Variants in OPN5 observed in about 807,000 individuals in gnomAD.
The protein encoded by OPN5 is opsin-5.
A neutral mutation model predicts 41.7 loss-of-function variants in OPN5; 18 were observed. The ratio of observed to expected loss-of-function variants is 0.43; its 90% CI spans 0.30 to 0.64. OPN5 has a LOEUF of 0.64. OPN5 is among the 30% of genes least tolerant of loss of function. The pLI is 0.13. For synonymous variants in OPN5, 178 were observed against 164.3 expected (o/e 1.08, Z -0.64); for missense variants, 318 against 434.5 (o/e 0.73, Z 2.38).
intron 6 of OPN5, among the ~76,000 whole-genome samples, chr6:47,815,876 C>T (rs1235384588): frequency 6.6e-6 from 1 of 152,092 alleles, no homozygotes; most frequent in African/African-American, 2.4e-5. Context: ...GGGATATATT[C>T]TAAAAGTACT....
At chr6:47,821,388 A>G (rs1241509904) in intron 6 of OPN5, among the ~76,000 whole-genome samples, 1 of 152,204 alleles carries the variant, frequency 6.6e-6, no homozygotes, top group Non-Finnish European at 1.5e-5. Context: ...GCAATCCCCG[A>G]TGGAAGTTGG....
intron 5 of OPN5, among the ~76,000 whole-genome samples, chr6:47,809,576 T>C (rs1774114050): frequency 6.6e-6 from 1 of 152,206 alleles, no homozygotes; most frequent in Non-Finnish European, 1.5e-5. Flanking sequence ...TAGCTCTATA[T>C]CTTTGAACAA....
intron 2 of OPN5, among the ~76,000 whole-genome samples, chr6:47,787,528 T>C (rs868649986): frequency 4.6e-5 from 7 of 152,204 alleles, no homozygotes; most frequent in African/African-American, 2.4e-5. Flanking sequence ...TAGAGTAGGG[T>C]AATTTGTTTG....
intron 6 of OPN5, among the ~76,000 whole-genome samples, chr6:47,816,039 AT>A (rs770415348): frequency 2.0e-5 from 3 of 152,116 alleles, no homozygotes; most frequent in Non-Finnish European, 4.4e-5. Flanking sequence ...GAGAGAAAAA[AT>A]TCTTTCAGGT....
At chr6:47,807,667 G>T (rs75558934) in intron 4 of OPN5, among the ~76,000 whole-genome samples, 20,947 of 152,004 alleles carry the variant, frequency 0.14, 1,522 homozygotes, top group Middle Eastern at 0.16. Context: ...ACAAAAATTT[G>T]AGTTAAAAGA....
At position 47,823,997 on chromosome 6, in the gene OPN5, G is replaced by A. The variant is rs114499136; in HGVS notation, c.*6G>A. On this transcript the variant is annotated 3_prime_UTR_variant, in exon 7 of 7. Coordinates refer to ENST00000371211, the Ensembl canonical transcript of OPN5. Reference sequence around the variant, plus strand: ...CTTCTCTACAGTGGGAATAACAAATGTTCTGGTTGTGAAGAGTGCATCTGA... The same window carrying A: ...CTTCTCTACAGTGGGAATAACAAATATTCTGGTTGTGAAGAGTGCATCTGA... 566 of 1,549,870 alleles carry A rather than the reference G, an allele frequency of 3.7e-4. 2 individuals are homozygous for A. In the African/African-American group the frequency reaches 7.0e-3, roughly 19 times the overall value.
downstream of OPN5, chr6:47,826,092 T>C (rs1037345504): frequency 1.3e-5 from 2 of 152,112 alleles, no homozygotes; most frequent in African/African-American, 2.4e-5. Context: ...AAAATTTTAA[T>C]GGAATTTTTT....
chr6:47,786,570 G>A, exon 2 of OPN5: 1 of 1,611,170 alleles, frequency 6.2e-7, no homozygotes, highest in South Asian at 1.1e-5. Context: ...CTAGACGAAA[G>A]AAGAAGCTGA....
intron 4 of OPN5, among the ~76,000 whole-genome samples, chr6:47,802,077 G>C (rs1773799050): frequency 6.6e-6 from 1 of 152,206 alleles, no homozygotes; most frequent in Admixed American, 6.5e-5. Flanking sequence ...GCCCTGCTTA[G>C]AGTGAGAGGA....
intron 4 of OPN5, 22 bp downstream of exon 4, chr6:47,795,585 A>G (rs1773527706): frequency 6.4e-7 from 1 of 1,555,964 alleles, no homozygotes; most frequent in South Asian, 1.1e-5. Context: ...AATATTTTAC[A>G]CATGTGTTTT....
chr6:47,810,232 A>G (rs1425623654), intron 5 of OPN5, among the ~76,000 whole-genome samples: 1 of 152,206 alleles, frequency 6.6e-6, no homozygotes, highest in Admixed American at 6.5e-5. Flanking sequence ...GGTAGAGCTG[A>G]AGCAGTGAGG....
intron 5 of OPN5, among the ~76,000 whole-genome samples, chr6:47,809,529 A>G (rs1188855955): frequency 2.6e-5 from 4 of 152,228 alleles, no homozygotes; most frequent in Non-Finnish European, 5.9e-5. Flanking sequence ...ATAGAAGACC[A>G]GTATTTAATG....
chr6:47,823,905 C>A, intron 6 of OPN5, 78 bp from the exon 7 acceptor site: 1 of 1,003,166 alleles, frequency 1.0e-6, no homozygotes, highest in East Asian at 2.6e-5. Flanking sequence ...TATGTTTAGG[C>A]TCTGAATTTA....
chr6:47,813,262 G>A (rs748827765), intron 6 of OPN5, among the ~76,000 whole-genome samples: 25 of 152,170 alleles, frequency 1.6e-4, no homozygotes, highest in Non-Finnish European at 3.2e-4. Context: ...GTCAGATAGA[G>A]GTGGACACAG....
At chr6:47,795,305 G>C (rs143358523) in exon 4 of OPN5, 4 of 1,613,894 alleles carry the variant, frequency 2.5e-6, no homozygotes, top group Non-Finnish European at 3.4e-6. Context: ...GGACCACCAT[G>C]CCCTTGGTAG....
intron 1 of OPN5, among the ~76,000 whole-genome samples, chr6:47,785,873 G>A (rs1773176486): frequency 1.3e-5 from 2 of 152,318 alleles, no homozygotes; most frequent in South Asian, 2.1e-4. Context: ...CCAGGTTCTC[G>A]ATTGTCACCC....
intron 3 of OPN5, among the ~76,000 whole-genome samples, chr6:47,794,078 G>T (rs895315309): frequency 1.3e-5 from 2 of 152,172 alleles, no homozygotes; most frequent in Non-Finnish European, 2.9e-5. Flanking sequence ...AATAATTCAT[G>T]TTAATATAGC....
exon 5 of OPN5, chr6:47,808,175 G>A: frequency 6.2e-7 from 1 of 1,613,598 alleles, no homozygotes; most frequent in Non-Finnish European, 8.5e-7. Flanking sequence ...GATTTGTGCT[G>A]GATTCCTGAT....
intron 1 of OPN5, among the ~76,000 whole-genome samples, chr6:47,783,224 C>G (rs1773124594): frequency 6.6e-6 from 1 of 151,890 alleles, no homozygotes; most frequent in Non-Finnish European, 1.5e-5. Flanking sequence ...AGAAAAGAAA[C>G]CATACTTTTC....
Sources: gnomAD v4.1 joint callset for allele counts (sites outside exome capture counted in the v4.1 genomes callset) on GRCh38, gnomAD v4.1.1 for gene constraint, MANE v1.5 for transcripts, NCBI Gene and HGNC (gene_info 2026-07-23, HGNC 2026-07-21) for gene names.